DCC: variants seen among roughly 807,000 people sequenced by gnomAD.
DCC encodes netrin receptor DCC.
Under a neutral mutation model 172.5 loss-of-function variants are expected in DCC, and 58 were observed. The observed-to-expected ratio is 0.34, with a 90% CI of 0.27 to 0.42. DCC has a LOEUF of 0.42. Ranked by LOEUF, DCC falls within the 10% of genes least tolerant of loss-of-function variation. The pLI is 1.00. For missense variants in DCC, 1,740 were observed against 1,791.0 expected, an observed-to-expected ratio of 0.97 and a Z score of 0.51; for synonymous variants, 709 against 644.5, an observed-to-expected ratio of 1.10 and a Z score of -1.52.
At chr18:52,610,382 C>CAAAAAAAAAAAAAAAAAAAAAAAAAAAA (rs55715009) in intron 1 of DCC, among the ~76,000 whole-genome samples, 1 of 49,964 alleles carries the variant, frequency 2.0e-5, no homozygotes, top group Non-Finnish European at 3.0e-5. Context: ...TCTGTCTCAA[C>CAAAAAAAAAAAAAAAAAAAAAAAAAAAA]AAAAAAAAAA....
intron 5 of DCC, among the ~76,000 whole-genome samples, chr18:53,034,403 C>A (rs767257757): frequency 6.6e-6 from 1 of 151,990 alleles, no homozygotes; most frequent in Non-Finnish European, 1.5e-5. Flanking sequence ...TGTTCAGGCC[C>A]AAAGAAAATA....
At chr18:53,265,139 T>A (rs1229594037) in intron 12 of DCC, among the ~76,000 whole-genome samples, 3 of 152,208 alleles carry the variant, frequency 2.0e-5, no homozygotes, top group Non-Finnish European at 4.4e-5. Flanking sequence ...GGATGCAGTC[T>A]ATGGGAAATA....
intron 14 of DCC, among the ~76,000 whole-genome samples, chr18:53,324,616 GA>G (rs1327407406): frequency 6.6e-6 from 1 of 151,948 alleles, no homozygotes; most frequent in Non-Finnish European, 1.5e-5. Flanking sequence ...TCAAGTAGAA[GA>G]AAAATCAAGA....
At chr18:52,440,676 G>C (rs1363805450) in intron 1 of DCC, among the ~76,000 whole-genome samples, 1 of 152,126 alleles carries the variant, frequency 6.6e-6, no homozygotes, top group Admixed American at 6.5e-5. Context: ...ATTCTAAATT[G>C]CACTGTTAGA....
intron 7 of DCC, among the ~76,000 whole-genome samples, chr18:53,115,611 G>A (rs953882970): frequency 6.6e-6 from 1 of 151,524 alleles, no homozygotes; most frequent in African/African-American, 2.4e-5. Flanking sequence ...TGTGGTGGTT[G>A]CATTTTCTTA....
intron 1 of DCC, among the ~76,000 whole-genome samples, chr18:52,620,425 G>A (rs546326109): frequency 2.0e-5 from 3 of 152,236 alleles, no homozygotes; most frequent in Non-Finnish European, 2.9e-5. Flanking sequence ...ATGATGTCTC[G>A]AACAGGTTTA....
intron 1 of DCC, among the ~76,000 whole-genome samples, chr18:52,719,463 T>A (rs933431618): frequency 2.0e-5 from 3 of 152,254 alleles, no homozygotes; most frequent in Middle Eastern, 6.8e-3. Flanking sequence ...TATCCACACG[T>A]CCATTCGTTC....
intron 17 of DCC, among the ~76,000 whole-genome samples, chr18:53,395,322 A>G (rs1308415603): frequency 6.6e-6 from 1 of 152,182 alleles, no homozygotes; most frequent in African/African-American, 2.4e-5. Flanking sequence ...ATAGAATGCA[A>G]AGGTGTCAGT....
chr18:52,967,157 G>A (rs1034064148), intron 5 of DCC, among the ~76,000 whole-genome samples: 1 of 152,140 alleles, frequency 6.6e-6, no homozygotes, highest in Admixed American at 6.5e-5. Context: ...GAATAGCCCA[G>A]AAAATGTGGA....
intron 13 of DCC, among the ~76,000 whole-genome samples, chr18:53,310,250 G>A (rs1428374366): frequency 6.6e-6 from 1 of 152,004 alleles, no homozygotes; most frequent in Non-Finnish European, 1.5e-5. Context: ...TACACACTTT[G>A]TTGTAAGCAG....
At position 53,532,728 on chromosome 18, in the gene DCC, G is replaced by T. The variant is rs934634825; in HGVS notation, c.*2075G>T. Reference sequence around the variant, plus strand: ...CCTTAGGCACTTGACACCCACGAGGGTAATCCTGAGTGCTCAGTTTGGAAT... The same window carrying T: ...CCTTAGGCACTTGACACCCACGAGGTTAATCCTGAGTGCTCAGTTTGGAAT... On this transcript the variant is annotated 3_prime_UTR_variant, in exon 29 of 29. Transcript: ENST00000442544. 1.4e-4 allele frequency: 21 copies of T among 151,684 alleles called. No individual in the cohort carries two copies. The highest frequency in any genetic ancestry group is 9.8e-4 in the Admixed American group (15 of 15,248). The allele number at this position is 151,684 out of a possible 1,614,324, so 9.4% of individuals were successfully genotyped here. A position where few individuals can be genotyped will look rare whatever the true frequency, so the allele number is the denominator to read the frequency against.
At chr18:52,572,439 G>T (rs2033320952) in intron 1 of DCC, among the ~76,000 whole-genome samples, 1 of 152,042 alleles carries the variant, frequency 6.6e-6, no homozygotes, top group Non-Finnish European at 1.5e-5. Flanking sequence ...GGTTCCTGAG[G>T]TCTCCACTGA....
At chr18:52,784,228 T>G (rs183215356) in intron 2 of DCC, among the ~76,000 whole-genome samples, 5,205 of 135,118 alleles carry the variant, frequency 0.039, 128 homozygotes, top group Admixed American at 0.051. Context: ...GACCTCCATT[T>G]CTGTGTTGCT....
rs778424275 is a variant in DCC at position 53,450,555 on chromosome 18, C to G, written c.3285C>G (p.Asn1095Lys). The G allele has an allele frequency of 2.5e-6, 4 of 1,614,084 alleles. No homozygotes were observed. The highest frequency in any genetic ancestry group is 1.3e-5 in the African/African-American group (1 of 75,026). The change falls in exon 23 of 29, where the codon AAC (asparagine) becomes AAG (lysine). Residue 1095 changes from asparagine (N) to lysine (K), a missense_variant. Physicochemically the swap from Asn to Lys is moderately conservative, Grantham distance 94. This residue lies in a region of DCC where 1,732 missense variants were observed against 1,767.4 expected (regional missense o/e 0.98). Coordinates refer to ENST00000442544, the MANE Select transcript of DCC (RefSeq NM_005215.4). The part of the protein sequence containing the change: ...PPHGSVTPQK[N>K]SNLLVIIVVT... ...ATGGCAGTGTCACTCCTCAGAAGAA[C>G]AGCAACCTGCTTGTGATCATTGTGG...
intron 7 of DCC, among the ~76,000 whole-genome samples, chr18:53,082,624 A>G: frequency 6.6e-6 from 1 of 152,136 alleles, no homozygotes; most frequent in East Asian, 1.9e-4. Context: ...GACATTATAC[A>G]TTGTAAATTA....
At chr18:52,683,683 G>T (rs1485465653) in intron 1 of DCC, among the ~76,000 whole-genome samples, 1 of 152,062 alleles carries the variant, frequency 6.6e-6, no homozygotes, top group African/African-American at 2.4e-5. Flanking sequence ...TCTCAGAGAA[G>T]CTTCACTGAT....
At chr18:52,716,867 T>C (rs1282902026) in intron 1 of DCC, among the ~76,000 whole-genome samples, 1 of 152,200 alleles carries the variant, frequency 6.6e-6, no homozygotes, top group African/African-American at 2.4e-5. Flanking sequence ...AAATTTGCAC[T>C]TTTTGATTGT....
chr18:53,522,816 A>G (rs1430278528), intron 27 of DCC, among the ~76,000 whole-genome samples: 1 of 152,206 alleles, frequency 6.6e-6, no homozygotes, highest in African/African-American at 2.4e-5. Context: ...CAAACCCTGG[A>G]AGAAAACCTA....
intron 2 of DCC, among the ~76,000 whole-genome samples, chr18:52,886,322 AACTTGAGCTCTG>A (rs1409645464): frequency 6.6e-6 from 1 of 152,104 alleles, no homozygotes; most frequent in Non-Finnish European, 1.5e-5. Flanking sequence ...CCTGCCAAGA[AACTTGAGCTCTG>A]ACTGCTAGAA....
Sources: gnomAD v4.1 joint callset for allele counts (sites outside exome capture counted in the v4.1 genomes callset) on GRCh38, gnomAD v4.1.1 for gene constraint, gnomAD v4.1.1 regional missense constraint, MANE v1.5 for transcripts, NCBI Gene and HGNC (gene_info 2026-07-23, HGNC 2026-07-21) for gene names.